The following DBN1 variants were observed in gnomAD, a reference collection of about 807,000 sequenced individuals.
The protein encoded by DBN1 is drebrin.
A neutral mutation model predicts 83.5 loss-of-function variants in DBN1; 21 were observed. The ratio of observed to expected loss-of-function variants is 0.25; its 90% CI spans 0.18 to 0.36. The LOEUF (loss-of-function observed/expected upper bound fraction) is 0.36. DBN1 is among the 10% of genes least tolerant of loss of function. DBN1 has a pLI of 1.00. For synonymous variants in DBN1, 381 were observed against 384.9 expected (o/e 0.99, Z 0.12); for missense variants, 874 against 935.7 (o/e 0.93, Z 0.86).
rs753333141 is a variant in DBN1 at position 177,459,281 on chromosome 5, C to A, written c.1094-13G>T. The A allele has an allele frequency of 1.5e-5, 24 of 1,602,784 alleles. No homozygotes were observed. The highest frequency in any genetic ancestry group is 2.0e-5 in the Non-Finnish European group (24 of 1,178,732). ...TCCAGGTGGCTGCCTGTGGAACAAA[C>A]CCCAGGTGGGTCAGTGAGGGCGGGG... On this transcript the variant is annotated splice_polypyrimidine_tract_variant and intron_variant, in intron 11 of 14. Transcript: ENST00000393565.
chr5:177,466,946 G>A lies in DBN1; in HGVS notation c.672C>T (p.Arg224=), dbSNP rs2127400643. ...CGATCTGCTGCTCCCGCTCCCGGTA[G>A]CGCCGCTCGCGCTCCTCTTGCTCCT... ...ERQEQEERER[R]YREREQQIEE... The change falls in exon 7 of 15, where the codon CGC becomes CGT. Residue 224 remains arginine (R), a synonymous_variant. Coordinates refer to ENST00000393565, the MANE Select transcript of DBN1 (RefSeq NM_001363541.2). The surrounding 1 kb of genome is among the most constrained non-coding windows in gnomAD (Gnocchi z 4.8). The A allele has an allele frequency of 4.3e-6, 7 of 1,612,614 alleles. No homozygotes were observed. Among genetic ancestry groups the A allele is most frequent in the Non-Finnish European group, 5.9e-6 (7 of 1,179,784 alleles).
chr5:177,462,152 G>A (rs994252565), intron 8 of DBN1: 14 of 925,492 alleles, frequency 1.5e-5, no homozygotes, highest in African/African-American at 9.0e-5. Context: ...CTTGGCCTAC[G>A]TCCCCCACCC....
In DBN1 at chr5:177,457,225, C is replaced by G. The variant is rs892517629; in HGVS notation, c.*208G>C. 5 of 591,912 alleles carry G rather than the reference C, an allele frequency of 8.4e-6. No homozygotes were observed. Among genetic ancestry groups the G allele is most frequent in the Non-Finnish European group, 1.5e-5 (5 of 331,594 alleles). 36.7% of individuals were successfully genotyped at this position (591,912 alleles called of 1,614,324 possible). On this transcript the variant is annotated 3_prime_UTR_variant, in exon 15 of 15. Coordinates refer to ENST00000393565, the MANE Select transcript of DBN1 (RefSeq NM_001363541.2). Reference sequence around the variant, plus strand: ...ACGAGAGGAAAGCCAGTCAACTGTACAAGTCTCCTATCAACTTTTTAAAAA... The same window carrying G: ...ACGAGAGGAAAGCCAGTCAACTGTAGAAGTCTCCTATCAACTTTTTAAAAA...
At chr5:177,470,697 G>A (rs1378613280) in intron 1 of DBN1, among the ~76,000 whole-genome samples, 2 of 152,158 alleles carry the variant, frequency 1.3e-5, no homozygotes, top group African/African-American at 4.8e-5. Context: ...TATTCCCAGT[G>A]GAATGCTTCC....
In DBN1 at chr5:177,467,886, TC is replaced by T; in HGVS notation, c.256-70del. On this transcript the variant is annotated intron_variant, in intron 3 of 14. Transcript: ENST00000393565. The surrounding 1 kb of genome is among the most constrained non-coding windows in gnomAD (Gnocchi z 9.1). ...GGGCCCTACACGATAGGGTGCATCT[TC>T]CCCGGGGTGGGAAGAGGGTGGGCTT... is the stretch of plus-strand genomic sequence containing the variant. The T allele has an allele frequency of 1.3e-6, 2 of 1,564,000 alleles. No homozygotes were observed. Among genetic ancestry groups the T allele is most frequent in the Non-Finnish European group, 1.8e-6 (2 of 1,141,434 alleles).
Position 177,467,397 on chromosome 5 carries a change from G to A in DBN1, c.478-65C>T. 3.1e-6 allele frequency: 5 copies of A among 1,613,620 alleles called. No individual in the cohort carries two copies. Among genetic ancestry groups the A allele is most frequent in the Non-Finnish European group, 4.2e-6 (5 of 1,179,604 alleles). The stretch of plus-strand genomic sequence containing the variant: ...CCCAGGAACCCCCGACACCTAAAGG[G>A]TGAGAGCTAAGAGGGACCGGGCAGG... On this transcript the variant is annotated intron_variant, in intron 5 of 14. Coordinates refer to ENST00000393565, the MANE Select transcript of DBN1 (RefSeq NM_001363541.2). This position sits in a 1 kb window ranked among gnomAD's most constrained non-coding sequence, Gnocchi z 9.1.
chr5:177,460,749 G>C, intron 8 of DBN1, 46 bp from the exon 9 acceptor site: 3 of 1,591,666 alleles, frequency 1.9e-6, no homozygotes, highest in Non-Finnish European at 2.6e-6. Flanking sequence ...CCCCCACAGG[G>C]GCTTTTGGCC....
chr5:177,460,386 G>A (rs375510718), intron 10 of DBN1, 46 bp downstream of exon 10: 52 of 1,611,440 alleles, frequency 3.2e-5, no homozygotes, highest in South Asian at 5.5e-5. Context: ...GCTCAGGGCC[G>A]CAACCTGAGG....
intron 1 of DBN1, chr5:177,472,635 C>T: frequency 4.6e-6 from 2 of 432,776 alleles, no homozygotes; most frequent in South Asian, 3.3e-5. Flanking sequence ...CCCCTTCAGC[C>T]GTCTTTGGGG....
intron 2 of DBN1, 89 bp from the exon 3 acceptor site, chr5:177,468,309 C>T: frequency 8.7e-7 from 1 of 1,146,300 alleles, no homozygotes; most frequent in South Asian, 1.3e-5. Flanking sequence ...CTCCTCCAGG[C>T]CTCCACAGGC....
Position 177,468,267 on chromosome 5 carries a change from T to C in DBN1, c.143-47A>G, listed in dbSNP as rs201180362. Reference sequence around the variant, plus strand: ...CAGGTCTCTCTGCCTCCTAAACCCTTCCCAAAAAGAGCCTGGAACTCAAAG... The same window carrying C: ...CAGGTCTCTCTGCCTCCTAAACCCTCCCCAAAAAGAGCCTGGAACTCAAAG... On this transcript the variant is annotated intron_variant, in intron 2 of 14. Transcript: ENST00000393565. 10 of 1,540,896 alleles carry C rather than the reference T, an allele frequency of 6.5e-6. No individual in the cohort carries two copies. In the East Asian group the frequency reaches 2.2e-4, roughly 35 times the overall value.
At chr5:177,459,829 G>T in intron 10 of DBN1, 89 bp from the exon 11 acceptor site, 1 of 1,359,464 alleles carries the variant, frequency 7.4e-7, no homozygotes, top group Non-Finnish European at 9.6e-7. Flanking sequence ...CCGCCCCCAG[G>T]GCCTGGCCCT....
intron 2 of DBN1, 83 bp downstream of exon 2, chr5:177,468,761 G>T: frequency 1.1e-6 from 1 of 922,380 alleles, no homozygotes; most frequent in Non-Finnish European, 1.5e-6. Context: ...GCAGGGAGGT[G>T]GCCTACAGCC....
rs781103400 is a variant in DBN1, at chr5:177,472,363, G to A, written c.86+1073C>T. On this transcript the variant is annotated intron_variant, in intron 1 of 14. Coordinates refer to ENST00000393565, the MANE Select transcript of DBN1 (RefSeq NM_001363541.2). ...AGAACCTGTTCCCATCTGCCAGCAG[G>A]GAGAGGAGGCCTAGGAACCAGATGG... is the stretch of plus-strand genomic sequence containing the variant. 8.5e-4 allele frequency: 1,266 copies of A among 1,483,036 alleles called. 2 individuals carry two copies. Among genetic ancestry groups the A allele is most frequent in the Non-Finnish European group, 1.1e-3 (1,188 of 1,125,872 alleles). The allele number at this position is 1,483,036 out of a possible 1,614,324, so 91.9% of individuals were successfully genotyped here.
intron 8 of DBN1, among the ~76,000 whole-genome samples, chr5:177,464,605 A>ATAAG (rs1361119729): frequency 2.5e-5 from 1 of 40,702 alleles, no homozygotes; most frequent in Admixed American, 2.0e-4. Context: ...TAAAAAGACA[A>ATAAG]TAAATAAATA....
chr5:177,465,012 G>A lies in DBN1; in HGVS notation c.771+1760C>T, dbSNP rs543953131. Among the ~76,000 whole-genome samples, 6 of 152,298 alleles carry A rather than the reference G, an allele frequency of 3.9e-5. No individual in the cohort carries two copies. The South Asian group carries it at 1.2e-3, about 32-fold the overall frequency. On this transcript the variant is annotated intron_variant, in intron 8 of 14. Transcript: ENST00000393565. Reference sequence around the variant, plus strand: ...TACTAAAAATACAAAAAATTAGCCGGACGTGGTGGCGGGCACCTGTAGTCC... The same window carrying A: ...TACTAAAAATACAAAAAATTAGCCGAACGTGGTGGCGGGCACCTGTAGTCC...
Position 177,458,153 on chromosome 5 carries a change from T to C in DBN1, c.1819A>G (p.Thr607Ala), listed in dbSNP as rs145469297. 12 of 1,612,586 alleles carry C rather than the reference T, an allele frequency of 7.4e-6. No homozygotes were observed. The highest frequency in any genetic ancestry group is 5.5e-5 in the South Asian group (5 of 91,052). The change falls in exon 13 of 15, where the codon ACT becomes GCT. Residue 607 changes from threonine to alanine, a missense_variant. Around this residue, in one of 4 missense-constraint regions of DBN1, gnomAD observed 725 missense variants for 719.7 expected, o/e 1.01. Coordinates refer to ENST00000393565, the MANE Select transcript of DBN1 (RefSeq NM_001363541.2). ...AGCTCCTCAAGGGCTGAGGGCAGAG[T>C]TGGGGTCTGGGGGGCAGCCAGGGAC... ...GESLAAPQTP[T>A]LPSALEELEQ...
chr5:177,472,606 G>C (rs1018535848), intron 1 of DBN1, among the ~76,000 whole-genome samples: 1 of 152,066 alleles, frequency 6.6e-6, no homozygotes, highest in Non-Finnish European at 1.5e-5. Flanking sequence ...CCCTTGCTGG[G>C]GGCCGGTGGA....
At chr5:177,462,941 T>A (rs534336722) in intron 8 of DBN1, among the ~76,000 whole-genome samples, 9 of 152,204 alleles carry the variant, frequency 5.9e-5, no homozygotes, top group Admixed American at 3.9e-4. Context: ...CCCATGAGCC[T>A]GTGTCCCACC....
Sources: gnomAD v4.1 joint callset for allele counts (sites outside exome capture counted in the v4.1 genomes callset) on GRCh38, gnomAD v4.1.1 for gene constraint, gnomAD v4.1.1 regional missense constraint, Gnocchi (gnomAD v3.1) non-coding constraint, MANE v1.5 for transcripts, NCBI Gene and HGNC (gene_info 2026-07-23, HGNC 2026-07-21) for gene names.